Variants in DCP1B observed in about 807,000 individuals in gnomAD.
DCP1B encodes the protein decapping mRNA 1B, also known as mRNA-decapping enzyme 1B.
In DCP1B, 47 loss-of-function variants were observed where a neutral mutation model predicts 60.5. The observed-to-expected ratio is 0.78, with a 90% confidence interval of 0.61 to 0.99. DCP1B has a LOEUF of 0.99. DCP1B is among the 50% of genes least tolerant of loss of function. The pLI, the probability that DCP1B is intolerant of heterozygous loss-of-function variation, is 0.00. For synonymous variants in DCP1B, 267 were observed against 280.3 expected (o/e 0.95, Z 0.47); for missense variants, 725 against 756.8 (o/e 0.96, Z 0.49).
intron 1 of DCP1B, among the ~76,000 whole-genome samples, chr12:2,003,714 C>T (rs988104422): frequency 3.3e-5 from 5 of 152,204 alleles, no homozygotes; most frequent in African/African-American, 1.2e-4. Flanking sequence ...CATCAGCTTC[C>T]TTCTAAGTGT....
rs181768690 is a variant in DCP1B at position 1,957,458 on chromosome 12, T to G, written c.523-1898A>C. On this transcript the variant is annotated intron_variant, in intron 5 of 8. Transcript: ENST00000280665. ...ATAGGATTATTGGTGATTTTTCTTT[T>G]TATATTCTTTTGAATTCTATCATTC... 3.3e-3 allele frequency among the ~76,000 whole-genome samples: 504 copies of G among 152,352 alleles called. 3 individuals are homozygous for G. Among genetic ancestry groups the G allele is most frequent in the South Asian group, 5.6e-3 (27 of 4,822 alleles).
intron 3 of DCP1B, among the ~76,000 whole-genome samples, chr12:1,979,109 T>C (rs530591994): frequency 2.0e-4 from 30 of 151,346 alleles, no homozygotes; most frequent in Middle Eastern, 3.5e-3. Context: ...GCCTCCCGCG[T>C]TCAAGAAATT....
chr12:1,977,965 A>G (rs982482396), intron 3 of DCP1B, among the ~76,000 whole-genome samples: 1 of 152,164 alleles, frequency 6.6e-6, no homozygotes. Flanking sequence ...TTGTTTTTAT[A>G]TGTTTCATTC....
At chr12:1,998,004 C>T (rs777964503) in intron 1 of DCP1B, 29 bp from the exon 2 acceptor site, 1 of 1,585,696 alleles carries the variant, frequency 6.3e-7, no homozygotes, top group South Asian at 1.2e-5. Flanking sequence ...ACACACAAGA[C>T]ATGTATGTTC....
intron 3 of DCP1B, among the ~76,000 whole-genome samples, chr12:1,985,035 TAAA>T (rs796830744): frequency 7.0e-6 from 1 of 142,448 alleles, no homozygotes; most frequent in Admixed American, 7.1e-5. Context: ...CTTTCAAGAT[TAAA>T]AAAAAAAAAA....
chr12:1,942,801 T>C (rs2030312804), downstream of DCP1B, among the ~76,000 whole-genome samples: 1 of 152,152 alleles, frequency 6.6e-6, no homozygotes, highest in Admixed American at 6.5e-5. Flanking sequence ...AAGGAGTGTT[T>C]AGAGGGAAAT....
chr12:1,974,878 A>G (rs1235111684), intron 3 of DCP1B, among the ~76,000 whole-genome samples: 2 of 152,164 alleles, frequency 1.3e-5, no homozygotes, highest in Non-Finnish European at 2.9e-5. Context: ...AAACATGTCT[A>G]TTTATGCTTA....
chr12:1,984,107 C>T (rs2036941825), intron 3 of DCP1B, among the ~76,000 whole-genome samples: 1 of 151,922 alleles, frequency 6.6e-6, no homozygotes, highest in South Asian at 2.1e-4. Context: ...TTACCTTTAA[C>T]CTATCTATAT....
intron 3 of DCP1B, 65 bp downstream of exon 3, chr12:1,993,199 T>C (rs759603743): frequency 8.8e-5 from 142 of 1,609,042 alleles, no homozygotes; most frequent in Non-Finnish European, 2.1e-5. Context: ...GCAAACACTG[T>C]ACAATTTTAA....
Position 1,953,290 on chromosome 12 carries a change from TG to T in DCP1B, c.652-3del. On this transcript the variant is annotated splice_region_variant and splice_polypyrimidine_tract_variant and intron_variant, in intron 6 of 8. Transcript: ENST00000280665. ...GTGTTGGGGTTCAGGGTCTAAGGTC[TG>T]GAAAAAATAAAGATATCTGACATGA... 1 of 1,558,840 alleles carries T rather than the reference TG, an allele frequency of 6.4e-7. No individual in the cohort carries two copies. The highest frequency in any genetic ancestry group is 8.6e-7 in the Non-Finnish European group (1 of 1,160,164).
At chr12:1,979,625 T>C (rs2035534969) in intron 3 of DCP1B, among the ~76,000 whole-genome samples, 1 of 152,258 alleles carries the variant, frequency 6.6e-6, no homozygotes, top group Non-Finnish European at 1.5e-5. Context: ...TTCTCTTAAG[T>C]AAATAACTAC....
intron 3 of DCP1B, 64 bp from the exon 4 acceptor site, chr12:1,967,974 T>G: frequency 7.7e-7 from 1 of 1,303,190 alleles, no homozygotes; most frequent in Non-Finnish European, 1.1e-6. Context: ...GAAAAAAATC[T>G]CCTTTCCATC....
At chr12:1,981,729 CATAT>C (rs1367208711) in intron 3 of DCP1B, among the ~76,000 whole-genome samples, 6 of 152,216 alleles carry the variant, frequency 3.9e-5, no homozygotes, top group African/African-American at 1.4e-4. Flanking sequence ...ACATAAAAGA[CATAT>C]ATGCTGCAGT....
chr12:1,966,539 G>A (rs568636190), intron 4 of DCP1B, among the ~76,000 whole-genome samples: 57 of 152,320 alleles, frequency 3.7e-4, no homozygotes, highest in African/African-American at 1.3e-3. Flanking sequence ...TGGGGAGGGG[G>A]TCGGAATCCA....
chr12:2,002,950 G>C (rs765222394), intron 1 of DCP1B, among the ~76,000 whole-genome samples: 7 of 152,092 alleles, frequency 4.6e-5, no homozygotes, highest in Non-Finnish European at 8.8e-5. Context: ...AATTCCCCTG[G>C]AAACTAGGGG....
At position 1,949,269 on chromosome 12, in the gene DCP1B, G is replaced by T; in HGVS notation, c.1590C>A (p.Phe530Leu). ...APSLLMSPMVFAQPTSVPPKE... is the reference protein window; with the variant it reads ...APSLLMSPMVLAQPTSVPPKE... Reference sequence around the variant, plus strand: ...TTGGCGGGACGGAGGTGGGTTGTGCGAACACCATGGGGGACATAAGCAGAG... The same window carrying T: ...TTGGCGGGACGGAGGTGGGTTGTGCTAACACCATGGGGGACATAAGCAGAG... The change falls in exon 8 of 9, where the codon TTC (phenylalanine) becomes TTA (leucine). Residue 530 changes from phenylalanine (F) to leucine (L), a missense_variant. Physicochemically the swap from Phe to Leu is conservative, Grantham distance 22 (BLOSUM62 0). Coordinates refer to ENST00000280665, the MANE Select transcript of DCP1B (RefSeq NM_152640.5). The T allele has an allele frequency of 1.2e-6, 2 of 1,614,088 alleles. No individual in the cohort carries two copies. The highest frequency in any genetic ancestry group is 1.7e-6 in the Non-Finnish European group (2 of 1,180,024).
chr12:1,972,268 A>T (rs575354840), intron 3 of DCP1B, among the ~76,000 whole-genome samples: 1 of 152,262 alleles, frequency 6.6e-6, no homozygotes, highest in African/African-American at 2.4e-5. Flanking sequence ...GAGTAGAATA[A>T]TATTTTCAAT....
chr12:1,952,355 TAGG>T, intron 7 of DCP1B, 58 bp downstream of exon 7: 2 of 1,467,526 alleles, frequency 1.4e-6, no homozygotes, highest in Admixed American at 2.4e-5. Context: ...TTTTTTTTTT[TAGG>T]GACAGGATCT....
At chr12:1,970,563 A>C (rs1033116562) in intron 3 of DCP1B, among the ~76,000 whole-genome samples, 2 of 152,194 alleles carry the variant, frequency 1.3e-5, no homozygotes, top group Non-Finnish European at 2.9e-5. Context: ...GGAAGTATGC[A>C]TTCCAAGTTT....
Sources: gnomAD v4.1 joint callset for allele counts (sites outside exome capture counted in the v4.1 genomes callset) on GRCh38, gnomAD v4.1.1 for gene constraint, MANE v1.5 for transcripts, NCBI Gene and HGNC (gene_info 2026-07-23, HGNC 2026-07-21) for gene names.